The following SPMAP2L variants were observed in gnomAD, a reference collection of about 807,000 sequenced individuals.
SPMAP2L encodes the protein sperm microtubule associated protein 2-like.
the SPMAP2L span, among the ~76,000 whole-genome samples, chr4:56,541,416 T>C: frequency 6.6e-6 from 1 of 152,220 alleles, no homozygotes; most frequent in Non-Finnish European, 1.5e-5. Context: ...ACTTGCATAT[T>C]TGACATCACT....
the SPMAP2L span, among the ~76,000 whole-genome samples, chr4:56,561,300 G>A: frequency 6.6e-6 from 1 of 152,018 alleles, no homozygotes; most frequent in African/African-American, 2.4e-5. Flanking sequence ...ATTATGTTTG[G>A]TGGCATGTTA....
the SPMAP2L span, chr4:56,531,043 C>T: frequency 2.0e-6 from 3 of 1,535,578 alleles, no homozygotes; most frequent in Non-Finnish European, 1.7e-6. Flanking sequence ...CCAGCTCCGC[C>T]ACACCCGTGA....
the SPMAP2L span, chr4:56,596,543 C>A: frequency 9.1e-6 from 14 of 1,533,034 alleles, no homozygotes; most frequent in African/African-American, 1.8e-4. Context: ...GCGATTGCAA[C>A]TCCAAGAATT....
At chr4:56,578,617 A>C in the SPMAP2L span, among the ~76,000 whole-genome samples, 1 of 152,150 alleles carries the variant, frequency 6.6e-6, no homozygotes, top group African/African-American at 2.4e-5. Flanking sequence ...CTTTAGATTC[A>C]AATAAACAAA....
the SPMAP2L span, among the ~76,000 whole-genome samples, chr4:56,618,379 T>G: frequency 6.6e-6 from 1 of 152,140 alleles, no homozygotes; most frequent in Non-Finnish European, 1.5e-5. Flanking sequence ...CAAAGGTGTA[T>G]TAGTTATTTC....
the SPMAP2L span, among the ~76,000 whole-genome samples, chr4:56,610,460 G>A: frequency 0.19 from 29,355 of 152,034 alleles, 3,467 homozygotes; most frequent in East Asian, 0.41. Flanking sequence ...GATGGATCAA[G>A]GACTTAAATC....
chr4:56,547,264 T>C, the SPMAP2L span, among the ~76,000 whole-genome samples: 2 of 143,324 alleles, frequency 1.4e-5, no homozygotes, highest in Non-Finnish European at 3.0e-5. Flanking sequence ...TTTTTTGAGA[T>C]GGAGTTGTTT....
the SPMAP2L span, among the ~76,000 whole-genome samples, chr4:56,550,381 A>T: frequency 6.6e-6 from 1 of 152,184 alleles, no homozygotes; most frequent in Non-Finnish European, 1.5e-5. Flanking sequence ...GTTAAAAAAA[A>T]ATAGGTTTTC....
At chr4:56,594,609 A>T in the SPMAP2L span, 1 of 1,499,616 alleles carries the variant, frequency 6.7e-7, no homozygotes, top group Non-Finnish European at 9.3e-7. Flanking sequence ...AAATCAACAC[A>T]TGGGACCAAC....
At chr4:56,548,752 T>A in the SPMAP2L span, 2 of 1,409,740 alleles carry the variant, frequency 1.4e-6, no homozygotes, top group Admixed American at 2.5e-5. Context: ...TGATTCCTGT[T>A]GAATCTAATT....
the SPMAP2L span, among the ~76,000 whole-genome samples, chr4:56,569,290 A>G: frequency 6.6e-6 from 1 of 152,212 alleles, no homozygotes; most frequent in Non-Finnish European, 1.5e-5. Context: ...GAGAGTTCCA[A>G]TATCTCCACA....
chr4:56,566,048 T>C, the SPMAP2L span, among the ~76,000 whole-genome samples: 1 of 152,352 alleles, frequency 6.6e-6, no homozygotes, highest in African/African-American at 2.4e-5. Flanking sequence ...TGATAATCTC[T>C]GTTTTTAAAT....
the SPMAP2L span, among the ~76,000 whole-genome samples, chr4:56,557,099 A>G: frequency 6.6e-6 from 1 of 151,684 alleles, no homozygotes; most frequent in East Asian, 1.9e-4. Context: ...AAATACAAAA[A>G]TTAGCCAGGC....
chr4:56,578,525 A>G, the SPMAP2L span, among the ~76,000 whole-genome samples: 13 of 152,148 alleles, frequency 8.5e-5, no homozygotes, highest in African/African-American at 3.1e-4. Flanking sequence ...TTAAATGTAA[A>G]TGAATTGAAC....
At chr4:56,605,929 T>C in the SPMAP2L span, among the ~76,000 whole-genome samples, 1 of 152,186 alleles carries the variant, frequency 6.6e-6, no homozygotes, top group Non-Finnish European at 1.5e-5. Context: ...GTCTTTTAAG[T>C]TGTTTATCAC....
the SPMAP2L span, among the ~76,000 whole-genome samples, chr4:56,620,379 C>A: frequency 2.1e-5 from 3 of 145,332 alleles, no homozygotes; most frequent in Non-Finnish European, 4.4e-5. Flanking sequence ...AACAAAATAG[C>A]CTTCTAGTTT....
the SPMAP2L span, among the ~76,000 whole-genome samples, chr4:56,622,993 G>A: frequency 6.6e-6 from 1 of 152,062 alleles, no homozygotes; most frequent in Non-Finnish European, 1.5e-5. Context: ...AGGCAGATTG[G>A]GATGGTCCTC....
the SPMAP2L span, among the ~76,000 whole-genome samples, chr4:56,599,354 T>C: frequency 4.6e-5 from 7 of 152,082 alleles, no homozygotes; most frequent in Admixed American, 6.6e-5. Flanking sequence ...CAGCTAATTT[T>C]TTTTGCTCAA....
chr4:56,555,774 A>G, the SPMAP2L span, among the ~76,000 whole-genome samples: 1 of 13,588 alleles, frequency 7.4e-5, no homozygotes, highest in South Asian at 1.4e-3. Flanking sequence ...TTGTTGGCAT[A>G]CAAAAATCAG....
Sources: allele counts gnomAD v4.1 joint callset (sites outside exome capture counted in the v4.1 genomes callset), GRCh38; gene constraint gnomAD v4.1.1; transcripts MANE v1.5; gene names NCBI Gene and HGNC (gene_info 2026-07-23, HGNC 2026-07-21).